The following CNGA1 variants were observed in gnomAD, a reference collection of about 807,000 sequenced individuals.
The protein encoded by CNGA1 is cyclic nucleotide gated channel subunit alpha 1.
In CNGA1, 53 loss-of-function variants were observed where a neutral mutation model predicts 69.7. The observed-to-expected ratio is 0.76, with a 90% CI of 0.61 to 0.96. The LOEUF (loss-of-function observed/expected upper bound fraction) is 0.96. Ranked by LOEUF, CNGA1 falls within the 40% of genes least tolerant of loss-of-function variation. CNGA1 has a pLI of 0.00. For missense variants in CNGA1, 739 were observed against 811.2 expected (o/e 0.91, Z 1.08); for synonymous variants, 249 against 283.5 (o/e 0.88, Z 1.22).
At chr4:47,955,755 A>G (rs980381574) in intron 3 of CNGA1, among the ~76,000 whole-genome samples, 6 of 152,144 alleles carry the variant, frequency 3.9e-5, no homozygotes, top group African/African-American at 1.4e-4. Flanking sequence ...ACATATTTCA[A>G]TTGTTTTCCA....
At chr4:48,003,750 C>A (rs570775431) in intron 2 of CNGA1, among the ~76,000 whole-genome samples, 1 of 152,226 alleles carries the variant, frequency 6.6e-6, no homozygotes, top group South Asian at 2.1e-4. Context: ...TTCTGTTATG[C>A]CCAGACAGGG....
chr4:47,943,725 A>C (rs1739233536), intron 6 of CNGA1, among the ~76,000 whole-genome samples: 1 of 152,224 alleles, frequency 6.6e-6, no homozygotes, highest in Non-Finnish European at 1.5e-5. Context: ...CGAAAGTGTT[A>C]ATGTATTAAA....
In CNGA1 at chr4:47,940,779, A is replaced by G; in HGVS notation, c.636T>C (p.Phe212=). Residue 212 remains phenylalanine, a synonymous_variant, in exon 10 of 11, where the codon TTT becomes TTC. Coordinates refer to ENST00000514170, the MANE Select transcript of CNGA1 (RefSeq NM_001379270.1). ...CATATTTACCTGTCCTTGTTCGTAC[A>G]AACATATCGATTAAATAGACTATGT... ...VSDIVYLIDM[F]VRTRTGYLEQ... 1.2e-6 allele frequency: 2 copies of G among 1,602,484 alleles called. No individual in the cohort carries two copies. The highest frequency in any genetic ancestry group is 1.7e-6 in the Non-Finnish European group (2 of 1,169,702).
Position 48,016,602 on chromosome 4 carries a change from G to T in CNGA1, c.-342C>A. ...GCTGCTACTCCTGCCAGATACACCA[G>T]TTATCACAGGCCGCTCCCAGGCCTG... On this transcript the variant is annotated 5_prime_UTR_variant, in exon 1 of 11. The change creates a new upstream start codon in the 5' untranslated region. Transcript: ENST00000514170. The T allele has an allele frequency of 3.7e-6, 2 of 534,076 alleles. No individual in the cohort carries two copies. The highest frequency in any genetic ancestry group is 6.5e-6 in the Non-Finnish European group (2 of 306,686). The allele number at this position is 534,076 out of a possible 1,614,324, so 33.1% of individuals were successfully genotyped here.
At chr4:47,997,031 GC>G (rs1343880699) in intron 2 of CNGA1, among the ~76,000 whole-genome samples, 1 of 152,150 alleles carries the variant, frequency 6.6e-6, no homozygotes, top group Non-Finnish European at 1.5e-5. Flanking sequence ...CTTGACTCCA[GC>G]CTGGGCAACA....
intron 3 of CNGA1, among the ~76,000 whole-genome samples, chr4:47,979,444 C>T (rs576837677): frequency 1.3e-5 from 2 of 152,094 alleles, no homozygotes; most frequent in African/African-American, 4.8e-5. Flanking sequence ...AATGCCATAC[C>T]CAAAACTTAT....
At chr4:47,983,626 G>T (rs921351836) in intron 2 of CNGA1, among the ~76,000 whole-genome samples, 2 of 151,732 alleles carry the variant, frequency 1.3e-5, no homozygotes, top group Non-Finnish European at 2.9e-5. Flanking sequence ...AAAAGAAAAA[G>T]AAAAAGAAAA....
chr4:47,977,412 C>T (rs1202094774), intron 3 of CNGA1, among the ~76,000 whole-genome samples: 2 of 152,134 alleles, frequency 1.3e-5, no homozygotes, highest in Admixed American at 1.3e-4. Flanking sequence ...ACTTCAGCCT[C>T]CAGAAGCATG....
Position 47,936,522 on chromosome 4 carries a change from T to C in CNGA1, c.1960A>G (p.Arg654Gly). 1.9e-6 allele frequency: 3 copies of C among 1,614,182 alleles called. No homozygotes were observed. Among genetic ancestry groups the C allele is most frequent in the Non-Finnish European group, 2.5e-6 (3 of 1,180,020 alleles). Reference sequence around the variant, plus strand: ...AGAAATTTCTCAACCTTGGTTAATCTTTGTTTCAGTTTCTGCTGCATGGAC... The same window carrying C: ...AGAAATTTCTCAACCTTGGTTAATCCTTGTTTCAGTTTCTGCTGCATGGAC... Reference protein sequence around the residue: ...YESMQQKLKQRLTKVEKFLKP... With the variant: ...YESMQQKLKQGLTKVEKFLKP... The change falls in exon 11 of 11, where the codon AGA becomes GGA. Residue 654 changes from arginine (R) to glycine (G), a missense_variant. Physicochemically the swap from Arg to Gly is moderately radical, Grantham distance 125. Coordinates refer to ENST00000514170, the MANE Select transcript of CNGA1 (RefSeq NM_001379270.1).
intron 2 of CNGA1, 43 bp from the exon 3 acceptor site, chr4:47,981,543 C>T (rs980798776): frequency 3.9e-5 from 6 of 152,112 alleles, no homozygotes; most frequent in African/African-American, 1.4e-4. Context: ...TTTTCCCTTT[C>T]CTCAAAGATA....
At chr4:48,011,940 A>T (rs1295582543) in intron 1 of CNGA1, among the ~76,000 whole-genome samples, 1 of 152,186 alleles carries the variant, frequency 6.6e-6, no homozygotes, top group Non-Finnish European at 1.5e-5. Context: ...TCCTATTCAG[A>T]TCTTAGTTAA....
intron 2 of CNGA1, among the ~76,000 whole-genome samples, chr4:47,982,700 CTTT>C (rs1454904825): frequency 6.6e-6 from 1 of 151,902 alleles, no homozygotes; most frequent in African/African-American, 2.4e-5. Flanking sequence ...CTAATGCGTT[CTTT>C]TTAAGATTAC....
rs187929880 is a variant in CNGA1 at position 47,999,395 on chromosome 4, T to G, written c.-123+11399A>C. On this transcript the variant is annotated intron_variant, in intron 2 of 10. Transcript: ENST00000514170. Reference sequence around the variant, plus strand: ...AAGCTCATAAAGGATCAAACTAATTTGCAAATAATTCAAATTCCTTCCCCT... The same window carrying G: ...AAGCTCATAAAGGATCAAACTAATTGGCAAATAATTCAAATTCCTTCCCCT... Among the ~76,000 whole-genome samples, 29 of 152,320 alleles carry G rather than the reference T, an allele frequency of 1.9e-4. No individual in the cohort carries two copies. The East Asian group carries it at 5.6e-3, about 29-fold the overall frequency.
intron 1 of CNGA1, among the ~76,000 whole-genome samples, chr4:48,015,127 G>A (rs937036276): frequency 3.3e-5 from 5 of 152,176 alleles, no homozygotes; most frequent in South Asian, 2.1e-4. Flanking sequence ...GCAGTGAGCC[G>A]AGATCGCGCC....
chr4:47,996,911 A>G (rs1742495326), intron 2 of CNGA1, among the ~76,000 whole-genome samples: 1 of 152,068 alleles, frequency 6.6e-6, no homozygotes, highest in Admixed American at 6.6e-5. Context: ...AATTTAAAAA[A>G]TTAGCTGGGC....
At chr4:47,963,274 GA>G (rs1336677227) in intron 3 of CNGA1, among the ~76,000 whole-genome samples, 3 of 152,238 alleles carry the variant, frequency 2.0e-5, no homozygotes, top group Non-Finnish European at 2.9e-5. Flanking sequence ...TAAATTGAGT[GA>G]GTTTGCTGGT....
At chr4:47,951,271 C>G in intron 5 of CNGA1, 82 bp downstream of exon 5, 2 of 858,492 alleles carry the variant, frequency 2.3e-6, no homozygotes, top group Non-Finnish European at 4.0e-6. Flanking sequence ...TCACCATGAT[C>G]TGATTGCAAA....
rs1442836955 is a variant in CNGA1, at chr4:47,970,218, G to A, written c.-15+11175C>T. On this transcript the variant is annotated intron_variant, in intron 3 of 10. Coordinates refer to ENST00000514170, the MANE Select transcript of CNGA1 (RefSeq NM_001379270.1). ...TTTAGTGTGGCCCTGGATAGAGGGG[G>A]AGTTATGCAGAATAACTATGAGGAA... Among the ~76,000 whole-genome samples the A allele has an allele frequency of 2.0e-5, 3 of 152,176 alleles. No individual in the cohort carries two copies. The East Asian group carries it at 5.8e-4, about 29-fold the overall frequency.
intron 2 of CNGA1, among the ~76,000 whole-genome samples, chr4:47,993,619 T>C (rs1303401998): frequency 1.3e-5 from 2 of 152,128 alleles, no homozygotes; most frequent in Non-Finnish European, 2.9e-5. Context: ...CAATTTTATT[T>C]ATTTTTTCAA....
Sources: gnomAD v4.1 joint callset for allele counts (sites outside exome capture counted in the v4.1 genomes callset) on GRCh38, gnomAD v4.1.1 for gene constraint, MANE v1.5 for transcripts, NCBI Gene and HGNC (gene_info 2026-07-23, HGNC 2026-07-21) for gene names.